Variants in CACNA1C observed in about 807,000 individuals in gnomAD.
CACNA1C encodes the protein calcium voltage-gated channel subunit alpha1 C.
A neutral mutation model predicts 229.0 loss-of-function variants in CACNA1C; 30 were observed. The observed-to-expected ratio is 0.13, with a 90% confidence interval of 0.10 to 0.18. The LOEUF (loss-of-function observed/expected upper bound fraction) is 0.18, where lower values mean the gene tolerates loss of function less well. Among genes scored for constraint, CACNA1C ranks in the 10% least tolerant of loss-of-function variants. The probability of loss-of-function intolerance (pLI) is 1.00; values close to 1 mark genes in which losing one functional copy is unlikely to be tolerated. For missense variants in CACNA1C, 1,658 were observed against 2,845.0 expected, an observed-to-expected ratio of 0.58 and a Z score of 9.49; for synonymous variants, 1,114 against 1,132.5, an observed-to-expected ratio of 0.98 and a Z score of 0.33.
At chr12:2,407,076 C>A (rs906626411) in intron 3 of CACNA1C, among the ~76,000 whole-genome samples, 4 of 152,260 alleles carry the variant, frequency 2.6e-5, no homozygotes, top group African/African-American at 9.6e-5. Flanking sequence ...CTGATACCAC[C>A]CTGGCTGGAG....
At chr12:2,111,979 C>T (rs979539028) in intron 1 of CACNA1C, among the ~76,000 whole-genome samples, 6 of 152,114 alleles carry the variant, frequency 3.9e-5, no homozygotes, top group African/African-American at 9.7e-5. Flanking sequence ...CCTTGTATCT[C>T]GAGGCCTGGA....
At chr12:2,260,701 T>G (rs1233337000) in intron 3 of CACNA1C, among the ~76,000 whole-genome samples, 4 of 152,152 alleles carry the variant, frequency 2.6e-5, no homozygotes, top group Non-Finnish European at 5.9e-5. Flanking sequence ...TGTGTGATCT[T>G]AGATTAGGCA....
intron 9 of CACNA1C, among the ~76,000 whole-genome samples, chr12:2,544,944 T>C (rs897574488): frequency 6.6e-6 from 1 of 152,214 alleles, no homozygotes; most frequent in African/African-American, 2.4e-5. Flanking sequence ...ATTGATTTGC[T>C]GAGCATACTT....
chr12:2,094,078 T>C (rs543933044), intron 1 of CACNA1C, among the ~76,000 whole-genome samples: 1 of 152,346 alleles, frequency 6.6e-6, no homozygotes, highest in South Asian at 2.1e-4. Context: ...CCTCCTTGTA[T>C]GTGTGTAGCT....
intron 1 of CACNA1C, among the ~76,000 whole-genome samples, chr12:2,114,426 G>T (rs748578361): frequency 6.6e-6 from 1 of 152,106 alleles, no homozygotes; most frequent in South Asian, 2.1e-4. Flanking sequence ...CACTTTTGCT[G>T]TACTTTATTG....
chr12:2,340,090 C>T (rs2096819670), intron 3 of CACNA1C, among the ~76,000 whole-genome samples: 1 of 152,098 alleles, frequency 6.6e-6, no homozygotes, highest in South Asian at 2.1e-4. Flanking sequence ...TCCTGGTGTT[C>T]ATAATTCATC....
In CACNA1C at chr12:2,584,604, A is replaced by C; in HGVS notation, c.2326A>C (p.Lys776Gln). ...GGAGGAGGAAGAGGAGAAGGAGAGA[A>C]AGAAGCTGGCCAGGTAACCCTCTAA... Reference protein sequence around the residue: ...QKEEEEEKERKKLARTASPEK... With the variant: ...QKEEEEEKERQKLARTASPEK... Residue 776 changes from lysine to glutamine, a missense_variant, in exon 16 of 47, where the codon AAG becomes CAG. Lys to Gln is a moderately conservative substitution (Grantham distance 53). Transcript: ENST00000399655. The C allele has an allele frequency of 6.2e-7, 1 of 1,612,048 alleles. No homozygotes were observed. The highest frequency in any genetic ancestry group is 8.5e-7 in the Non-Finnish European group (1 of 1,178,514).
At chr12:2,413,174 C>T (rs1478939694) in intron 3 of CACNA1C, among the ~76,000 whole-genome samples, 1 of 145,022 alleles carries the variant, frequency 6.9e-6, no homozygotes, top group East Asian at 2.1e-4. Context: ...TGTACCACCA[C>T]GCCCAGCTAA....
At chr12:2,207,232 C>T (rs2097778908) in intron 3 of CACNA1C, among the ~76,000 whole-genome samples, 1 of 152,208 alleles carries the variant, frequency 6.6e-6, no homozygotes, top group Non-Finnish European at 1.5e-5. Flanking sequence ...CACCTGGACT[C>T]TTCCCTTCCC....
intron 6 of CACNA1C, among the ~76,000 whole-genome samples, chr12:2,491,542 G>A (rs529180391): frequency 6.7e-6 from 1 of 149,848 alleles, no homozygotes; most frequent in Non-Finnish European, 1.5e-5. Flanking sequence ...GACCACGAAG[G>A]TGATGATGAC....
chr12:1,985,360 A>G (rs1207778796), intron 1 of CACNA1C, among the ~76,000 whole-genome samples: 1 of 152,176 alleles, frequency 6.6e-6, no homozygotes, highest in African/African-American at 2.4e-5. Context: ...CTATGAGTTC[A>G]CTAACTCTTC....
intron 42 of CACNA1C, chr12:2,680,321 G>A: frequency 7.1e-7 from 1 of 1,409,974 alleles, no homozygotes; most frequent in Non-Finnish European, 9.6e-7. Context: ...TCTTACTCCT[G>A]ACTCACTCTT....
intron 3 of CACNA1C, among the ~76,000 whole-genome samples, chr12:2,166,645 C>T (rs1597876857): frequency 6.6e-6 from 1 of 152,240 alleles, no homozygotes; most frequent in South Asian, 2.1e-4. Context: ...ATGTATCCCT[C>T]ATAGCGTTGT....
At chr12:2,543,527 A>G (rs537446008) in intron 9 of CACNA1C, among the ~76,000 whole-genome samples, 1 of 152,240 alleles carries the variant, frequency 6.6e-6, no homozygotes, top group Non-Finnish European at 1.5e-5. Context: ...GGTAATAGGA[A>G]CACAAACACC....
At chr12:2,191,599 C>T (rs1286860566) in intron 3 of CACNA1C, among the ~76,000 whole-genome samples, 2 of 152,068 alleles carry the variant, frequency 1.3e-5, no homozygotes, top group African/African-American at 4.8e-5. Flanking sequence ...CATGCACTCA[C>T]ACACATGCGC....
At chr12:2,408,775 G>A (rs2098768836) in intron 3 of CACNA1C, among the ~76,000 whole-genome samples, 1 of 152,148 alleles carries the variant, frequency 6.6e-6, no homozygotes, top group East Asian at 1.9e-4. Flanking sequence ...GCTCACTAGT[G>A]AAGTCTTATT....
chr12:2,376,727 T>A (rs910218543), intron 3 of CACNA1C, among the ~76,000 whole-genome samples: 1 of 152,076 alleles, frequency 6.6e-6, no homozygotes, highest in African/African-American at 2.4e-5. Flanking sequence ...CATGAAACCT[T>A]AACTGGGATT....
intron 3 of CACNA1C, among the ~76,000 whole-genome samples, chr12:2,155,971 T>C (rs1021441398): frequency 6.6e-6 from 1 of 152,226 alleles, no homozygotes; most frequent in African/African-American, 2.4e-5. Flanking sequence ...TAAAGCATTT[T>C]TCCTTAAAGA....
At chr12:2,155,585 C>T (rs970155126) in intron 3 of CACNA1C, among the ~76,000 whole-genome samples, 1 of 152,006 alleles carries the variant, frequency 6.6e-6, no homozygotes, top group African/African-American at 2.4e-5. Context: ...AAGGAGTTAC[C>T]AGTTTTAGAG....
Sources: allele counts gnomAD v4.1 joint callset (sites outside exome capture counted in the v4.1 genomes callset), GRCh38; gene constraint gnomAD v4.1.1; transcripts MANE v1.5; gene names NCBI Gene and HGNC (gene_info 2026-07-23, HGNC 2026-07-21).